The following ATAD2B variants were observed in gnomAD, a reference collection of about 807,000 sequenced individuals.
The protein encoded by ATAD2B is ATPase family AAA domain containing 2B.
A neutral mutation model predicts 167.6 loss-of-function variants in ATAD2B; 40 were observed. The ratio of observed to expected loss-of-function variants is 0.24; its 90% confidence interval spans 0.19 to 0.31. The LOEUF is 0.31. ATAD2B is among the 10% of genes least tolerant of loss of function. The pLI is 1.00. For missense variants in ATAD2B, 1,242 were observed against 1,757.2 expected (o/e 0.71, Z 5.24); for synonymous variants, 579 against 596.5 (o/e 0.97, Z 0.43).
At chr2:23,806,650 T>C (rs1371241555) in intron 18 of ATAD2B, among the ~76,000 whole-genome samples, 2 of 152,188 alleles carry the variant, frequency 1.3e-5, no homozygotes, top group South Asian at 4.1e-4. Flanking sequence ...TACATTAATT[T>C]AGGAAAAAAC....
At chr2:23,698,278 G>A in the ATAD2B span, among the ~76,000 whole-genome samples, 2 of 152,246 alleles carry the variant, frequency 1.3e-5, no homozygotes, top group South Asian at 2.1e-4. Flanking sequence ...ACCAGAGTCT[G>A]CCAACTGTCC....
intron 27 of ATAD2B, among the ~76,000 whole-genome samples, 166 bp from the exon 28 acceptor site, chr2:23,752,253 T>C (rs1328666525): frequency 6.6e-6 from 1 of 152,020 alleles, no homozygotes. Context: ...CTATCTCCCC[T>C]AGATACTTCC....
At position 23,752,023 on chromosome 2, in the gene ATAD2B, A is replaced by T; in HGVS notation, c.*23T>A. 2 of 1,544,836 alleles carry T rather than the reference A, an allele frequency of 1.3e-6. No individual in the cohort carries two copies. Among genetic ancestry groups the T allele is most frequent in the Non-Finnish European group, 1.8e-6 (2 of 1,136,490 alleles). Reference sequence around the variant, plus strand: ...CTCTGTGAGGAGCAGATTGGAGAGGATAAACCACTCATCTTGAAAAGTTCA... The same window carrying T: ...CTCTGTGAGGAGCAGATTGGAGAGGTTAAACCACTCATCTTGAAAAGTTCA... On this transcript the variant is annotated 3_prime_UTR_variant, in exon 28 of 28. Transcript: ENST00000238789.
At position 23,750,419 on chromosome 2, in the gene ATAD2B, GCA is replaced by G. The variant is rs1675226343; in HGVS notation, c.*1625_*1626del. On this transcript the variant is annotated 3_prime_UTR_variant, in exon 28 of 28. Coordinates refer to ENST00000238789, the MANE Select transcript of ATAD2B (RefSeq NM_017552.4). The stretch of plus-strand genomic sequence containing the variant: ...AGGCTATGGCCAAAGTATGCTTTCT[GCA>G]CACTACAAAGAGCCAAAGACAAGGA... The G allele has an allele frequency of 6.6e-6, 1 of 152,102 alleles. No homozygotes were observed. Among genetic ancestry groups the G allele is most frequent in the Admixed American group, 6.6e-5 (1 of 15,248 alleles). 9.4% of individuals were successfully genotyped at this position (152,102 alleles called of 1,614,324 possible). A position where few individuals can be genotyped will look rare whatever the true frequency, so the allele number is the denominator to read the frequency against.
intron 1 of ATAD2B, among the ~76,000 whole-genome samples, chr2:23,901,569 A>G (rs1573352209): frequency 6.6e-6 from 1 of 152,280 alleles, no homozygotes; most frequent in African/African-American, 2.4e-5. Context: ...CCTATTTTTT[A>G]AAATTCCATG....
intron 17 of ATAD2B, among the ~76,000 whole-genome samples, chr2:23,814,853 G>A (rs984721453): frequency 1.3e-5 from 2 of 152,040 alleles, no homozygotes; most frequent in Non-Finnish European, 2.9e-5. Flanking sequence ...AAGAGATCGA[G>A]ACCATCCTGG....
At position 23,926,697 on chromosome 2, in the gene ATAD2B, G is replaced by A. The variant is rs1704911416; in HGVS notation, c.74C>T (p.Ala25Val). Residue 25 changes from alanine (A) to valine (V), a missense_variant, in exon 1 of 28, where the codon GCC becomes GTC. By Grantham distance (64) the Ala-to-Val change is moderately conservative. Transcript: ENST00000238789. ...KSPGPGPGPGAGAEPGATGGS... is the reference protein window; with the variant it reads ...KSPGPGPGPGVGAEPGATGGS... ...TCCGGTCGCCCCAGGCTCTGCTCCG[G>A]CCCCAGGCCCAGGCCCGGGACCAGG... The A allele has an allele frequency of 1.3e-6, 2 of 1,551,364 alleles. No individual in the cohort carries two copies. Among genetic ancestry groups the A allele is most frequent in the Non-Finnish European group, 8.7e-7 (1 of 1,147,854 alleles).
At position 23,892,405 on chromosome 2, in the gene ATAD2B, C is replaced by G. The variant is rs891297670; in HGVS notation, c.368+3414G>C. Among the ~76,000 whole-genome samples the G allele has an allele frequency of 3.9e-5, 6 of 151,990 alleles. No homozygotes were observed. The East Asian group carries it at 1.2e-3, about 30-fold the overall frequency. On this transcript the variant is annotated intron_variant, in intron 2 of 27. Coordinates refer to ENST00000238789, the MANE Select transcript of ATAD2B (RefSeq NM_017552.4). ...GGTCTCTATCTCCTGACCTCGTGATCCGCCCGCCTCGGCCTCCCAAAGTGC... is the reference window on the plus strand; with the variant it reads ...GGTCTCTATCTCCTGACCTCGTGATGCGCCCGCCTCGGCCTCCCAAAGTGC...
At chr2:23,826,072 ATCTG>A (rs1240474180) in intron 15 of ATAD2B, among the ~76,000 whole-genome samples, 1 of 152,122 alleles carries the variant, frequency 6.6e-6, no homozygotes, top group African/African-American at 2.4e-5. Flanking sequence ...TTGATTATCC[ATCTG>A]AATAAACACT....
At chr2:23,843,128 T>C (rs917995119) in intron 13 of ATAD2B, among the ~76,000 whole-genome samples, 1 of 152,154 alleles carries the variant, frequency 6.6e-6, no homozygotes, top group Non-Finnish European at 1.5e-5. Context: ...CATGCTTAAA[T>C]GCATGAAAAT....
chr2:23,826,260 GCAT>G (rs1317670804), intron 15 of ATAD2B, among the ~76,000 whole-genome samples: 1 of 152,120 alleles, frequency 6.6e-6, no homozygotes, highest in Non-Finnish European at 1.5e-5. Flanking sequence ...CTTTAAAATT[GCAT>G]CATAACCATG....
intron 1 of ATAD2B, among the ~76,000 whole-genome samples, chr2:23,923,447 T>C (rs1179419270): frequency 6.6e-6 from 1 of 152,186 alleles, no homozygotes; most frequent in African/African-American, 2.4e-5. Flanking sequence ...ATTGCATACT[T>C]AAAATTTTCT....
chr2:23,924,939 A>G lies in ATAD2B; in HGVS notation c.216+1616T>C, dbSNP rs796109293. Among the ~76,000 whole-genome samples, 11 of 152,312 alleles carry G rather than the reference A, an allele frequency of 7.2e-5. 1 individual carries two copies. Among genetic ancestry groups the G allele is most frequent in the African/African-American group, 2.6e-4 (11 of 41,564 alleles). ...CCATGAATTCAAAAATGGGACCACA[A>G]ACTGATGAGTGAAGATGAGCTAATT... On this transcript the variant is annotated intron_variant, in intron 1 of 27. Transcript: ENST00000238789.
At chr2:23,705,544 G>C in the ATAD2B span, among the ~76,000 whole-genome samples, 4 of 152,098 alleles carry the variant, frequency 2.6e-5, no homozygotes, top group Non-Finnish European at 4.4e-5. Flanking sequence ...AGTTAAGCTG[G>C]GTCTTGCAAG....
At chr2:23,826,086 T>A (rs540807564) in intron 15 of ATAD2B, among the ~76,000 whole-genome samples, 158 of 152,182 alleles carry the variant, frequency 1.0e-3, no homozygotes, top group Non-Finnish European at 2.0e-3. Flanking sequence ...GAATAAACAC[T>A]GAAACTGAAA....
At chr2:23,837,462 AG>A (rs1400171474) in intron 13 of ATAD2B, among the ~76,000 whole-genome samples, 1 of 152,178 alleles carries the variant, frequency 6.6e-6, no homozygotes, top group East Asian at 1.9e-4. Context: ...AGGGAGGCCC[AG>A]GTCCACAGCC....
the ATAD2B span, among the ~76,000 whole-genome samples, chr2:23,740,923 G>A: frequency 6.6e-6 from 1 of 151,942 alleles, no homozygotes; most frequent in Non-Finnish European, 1.5e-5. Flanking sequence ...ACAAACAGAG[G>A]CCAAATCATG....
intron 10 of ATAD2B, among the ~76,000 whole-genome samples, chr2:23,865,304 G>T (rs12614038): frequency 2.0e-5 from 3 of 151,940 alleles, no homozygotes; most frequent in African/African-American, 7.2e-5. Flanking sequence ...CAAGGAGGGC[G>T]GATCACCTGA....
At chr2:23,734,534 C>T in the ATAD2B span, among the ~76,000 whole-genome samples, 11 of 152,158 alleles carry the variant, frequency 7.2e-5, no homozygotes, top group South Asian at 2.1e-4. Context: ...AGCATGGCTG[C>T]GGAGGCCTCA....
Sources: gnomAD v4.1 joint callset for allele counts (sites outside exome capture counted in the v4.1 genomes callset) on GRCh38, gnomAD v4.1.1 for gene constraint, MANE v1.5 for transcripts, NCBI Gene and HGNC (gene_info 2026-07-23, HGNC 2026-07-21) for gene names.